Variants in EPHA5 observed in about 807,000 individuals in gnomAD.
The protein encoded by EPHA5 is EPH receptor A5, also known as ephrin type-A receptor 5.
In EPHA5, 60 loss-of-function variants were observed where a neutral mutation model predicts 105.0. That is an observed-to-expected ratio of 0.57 (90% CI 0.46 to 0.71). The LOEUF (loss-of-function observed/expected upper bound fraction) is 0.71. Among genes scored for constraint, EPHA5 ranks in the 30% least tolerant of loss-of-function variants. The pLI is 0.00. For synonymous variants in EPHA5, 513 were observed against 449.1 expected (o/e 1.14, Z -1.80); for missense variants, 1,218 against 1,274.7 (o/e 0.96, Z 0.68).
At chr4:65,487,398 C>A (rs555615825) in intron 5 of EPHA5, among the ~76,000 whole-genome samples, 10 of 152,190 alleles carry the variant, frequency 6.6e-5, no homozygotes, top group African/African-American at 1.7e-4. Context: ...GCTTAGGGAC[C>A]AGACAACATT....
rs749620595 is a variant in EPHA5, at chr4:65,323,132, A to T, written c.*982T>A. On this transcript the variant is annotated 3_prime_UTR_variant, in exon 17 of 17. Transcript: ENST00000613740. ...TAATGGCTAGAAGAACTGCATTGTC[A>T]CTGATATCACAAAATGTTTTTAAAA... The T allele has an allele frequency of 4.4e-5, 10 of 228,612 alleles. No individual in the cohort carries two copies. Among genetic ancestry groups the T allele is most frequent in the Non-Finnish European group, 6.9e-5 (8 of 115,142 alleles). The allele number at this position is 228,612 out of a possible 1,614,324, so 14.2% of individuals were successfully genotyped here.
At chr4:65,580,633 C>T (rs904306344) in intron 3 of EPHA5, among the ~76,000 whole-genome samples, 3 of 151,444 alleles carry the variant, frequency 2.0e-5, no homozygotes, top group Non-Finnish European at 3.0e-5. Flanking sequence ...AAATAAAAGC[C>T]CTCTGCTCTT....
chr4:65,445,024 T>C (rs1032786063), intron 5 of EPHA5, among the ~76,000 whole-genome samples: 4 of 152,072 alleles, frequency 2.6e-5, no homozygotes, highest in Admixed American at 2.0e-4. Flanking sequence ...AATTCAGAAA[T>C]GTTACTGTGA....
chr4:65,500,206 G>A (rs1299742865), intron 3 of EPHA5, among the ~76,000 whole-genome samples: 2 of 151,334 alleles, frequency 1.3e-5, no homozygotes, highest in African/African-American at 4.8e-5. Flanking sequence ...TGTTTCATAT[G>A]ATGTCTGTAC....
intron 7 of EPHA5, among the ~76,000 whole-genome samples, chr4:65,411,720 G>T (rs1722927302): frequency 6.6e-6 from 1 of 151,962 alleles, no homozygotes; most frequent in Non-Finnish European, 1.5e-5. Flanking sequence ...TAATTAATGT[G>T]GATTTCAGAA....
At chr4:65,451,849 T>G (rs758008959) in intron 5 of EPHA5, among the ~76,000 whole-genome samples, 4 of 152,156 alleles carry the variant, frequency 2.6e-5, no homozygotes, top group African/African-American at 9.7e-5. Context: ...GAGAAGAGTC[T>G]GTGAAAGCTT....
chr4:65,503,380 G>A (rs570796445), intron 3 of EPHA5, among the ~76,000 whole-genome samples: 5 of 151,706 alleles, frequency 3.3e-5, no homozygotes, highest in Non-Finnish European at 7.4e-5. Context: ...TCTAAAATTT[G>A]GCAACGTCTC....
intron 3 of EPHA5, among the ~76,000 whole-genome samples, chr4:65,530,920 A>C (rs1453601833): frequency 6.6e-6 from 1 of 152,226 alleles, no homozygotes; most frequent in Non-Finnish European, 1.5e-5. Flanking sequence ...GAATTCAATG[A>C]GATATAAGTG....
intron 1 of EPHA5, among the ~76,000 whole-genome samples, chr4:65,660,047 T>G (rs1560833921): frequency 6.6e-6 from 1 of 152,084 alleles, no homozygotes; most frequent in Non-Finnish European, 1.5e-5. Context: ...AGACTCTACA[T>G]ATATATGACA....
At chr4:65,597,123 G>T (rs1000718422) in intron 3 of EPHA5, among the ~76,000 whole-genome samples, 1 of 152,110 alleles carries the variant, frequency 6.6e-6, no homozygotes, top group African/African-American at 2.4e-5. Flanking sequence ...AGCCCTTGAC[G>T]TGTAACCCTC....
intron 13 of EPHA5, among the ~76,000 whole-genome samples, chr4:65,348,477 A>G (rs1166506813): frequency 6.6e-6 from 1 of 151,602 alleles, no homozygotes; most frequent in Non-Finnish European, 1.5e-5. Context: ...GCTCTAAGTA[A>G]GGGAAAGCAG....
At chr4:65,453,317 G>A (rs924477598) in intron 5 of EPHA5, among the ~76,000 whole-genome samples, 7 of 152,142 alleles carry the variant, frequency 4.6e-5, no homozygotes, top group African/African-American at 9.6e-5. Context: ...AATCTGTCAC[G>A]TCTTTTTTTC....
At chr4:65,392,387 A>G (rs770036842) in intron 8 of EPHA5, among the ~76,000 whole-genome samples, 1 of 152,108 alleles carries the variant, frequency 6.6e-6, no homozygotes, top group African/African-American at 2.4e-5. Flanking sequence ...ATGATTACAA[A>G]TGTTTGGTTA....
intron 3 of EPHA5, among the ~76,000 whole-genome samples, chr4:65,599,055 T>C (rs1257935410): frequency 6.6e-6 from 1 of 151,966 alleles, no homozygotes; most frequent in African/African-American, 2.4e-5. Context: ...AAACCAAAAC[T>C]ATATATAAAG....
chr4:65,625,575 T>A (rs1425126576), intron 2 of EPHA5, among the ~76,000 whole-genome samples: 1 of 152,264 alleles, frequency 6.6e-6, no homozygotes, highest in East Asian at 1.9e-4. Context: ...TATTATAATC[T>A]TTAGTAAGTT....
At chr4:65,353,262 G>GAAAT (rs3057305) in intron 11 of EPHA5, among the ~76,000 whole-genome samples, 159 bp from the exon 12 acceptor site, 119,608 of 145,808 alleles carry the variant, frequency 0.82, 50,000 homozygotes, top group East Asian at 0.97. Context: ...TTTATTAAAT[G>GAAAT]AAAGATATTT....
At chr4:65,418,703 T>C (rs1723628360) in intron 6 of EPHA5, among the ~76,000 whole-genome samples, 2 of 152,016 alleles carry the variant, frequency 1.3e-5, no homozygotes, top group Non-Finnish European at 2.9e-5. Flanking sequence ...ATTAAAAACC[T>C]GTAAATATGT....
At chr4:65,353,712 T>C (rs1723045551) in intron 11 of EPHA5, among the ~76,000 whole-genome samples, 1 of 151,816 alleles carries the variant, frequency 6.6e-6, no homozygotes, top group African/African-American at 2.4e-5. Context: ...AACTCCATCC[T>C]ATCTAACTGC....
intron 3 of EPHA5, among the ~76,000 whole-genome samples, chr4:65,582,759 G>C (rs918043929): frequency 2.0e-5 from 3 of 151,564 alleles, no homozygotes; most frequent in South Asian, 2.1e-4. Flanking sequence ...AGGTAAAGGA[G>C]AAAATTGCCA....
Sources: allele counts gnomAD v4.1 joint callset (sites outside exome capture counted in the v4.1 genomes callset), GRCh38; gene constraint gnomAD v4.1.1; transcripts MANE v1.5; gene names NCBI Gene and HGNC (gene_info 2026-07-23, HGNC 2026-07-21).